Variants in DIP2A observed in about 807,000 individuals in gnomAD.
DIP2A encodes DIP2 acetate--CoA ligase A, also known as disco-interacting protein 2 homolog A.
In DIP2A, 85 loss-of-function variants were observed where a neutral mutation model predicts 177.4. The observed-to-expected ratio is 0.48, with a 90% CI of 0.40 to 0.57. The LOEUF (loss-of-function observed/expected upper bound fraction) is 0.57, where lower values mean the gene tolerates loss of function less well. DIP2A is among the 20% of genes least tolerant of loss of function. DIP2A has a pLI of 0.00. For synonymous variants in DIP2A, 886 were observed against 881.8 expected (o/e 1.00, Z -0.08); for missense variants, 1,791 against 2,100.2 (o/e 0.85, Z 2.88).
At chr21:46,574,691 G>A (rs1010910764), downstream of DIP2A, among the ~76,000 whole-genome samples, 2 of 151,922 alleles carry the variant, frequency 1.3e-5, no homozygotes, top group African/African-American at 4.8e-5. Context: ...GCCAACAAAT[G>A]GAAAAACCTA....
rs112065199 is a variant in DIP2A, at chr21:46,563,718, G to A, written c.4090-140G>A. The A allele has an allele frequency of 1.2e-4, 166 of 1,359,784 alleles. No individual in the cohort carries two copies. The African/African-American group carries it at 1.7e-3, about 14-fold the overall frequency. The allele number at this position is 1,359,784 out of a possible 1,614,324, so 84.2% of individuals were successfully genotyped here. A position where few individuals can be genotyped will look rare whatever the true frequency, so the allele number is the denominator to read the frequency against. ...CAAAATTCAAAGTCAAATTTGGAGC[G>A]GCCTCTAAACTTCCTGACCTGACAT... On this transcript the variant is annotated intron_variant, in intron 34 of 37. Coordinates refer to ENST00000417564, the MANE Select transcript of DIP2A (RefSeq NM_015151.4). This position sits in a 1 kb window ranked among gnomAD's most constrained non-coding sequence, Gnocchi z 4.3.
intron 8 of DIP2A, among the ~76,000 whole-genome samples, chr21:46,514,432 T>G (rs947791409): frequency 1.5e-5 from 2 of 129,792 alleles, no homozygotes; most frequent in African/African-American, 5.4e-5. Context: ...CAAGACTCCA[T>G]CTCAAAAAAA....
intron 17 of DIP2A, among the ~76,000 whole-genome samples, chr21:46,540,426 G>A (rs777584586): frequency 1.1e-4 from 16 of 152,088 alleles, no homozygotes; most frequent in African/African-American, 1.9e-4. Context: ...CTCCTGTGGC[G>A]GTTTCCCTCA....
rs116527434 is a variant in DIP2A at position 46,518,816 on chromosome 21, C to T, written c.1102+7202C>T. On this transcript the variant is annotated intron_variant, in intron 8 of 37. Transcript: ENST00000417564. ...AGGTTACAGTGAGCCAAGATTGCACCGCTGCACTGCAGCCTAAGTGACAGA... is the reference window on the plus strand; with the variant it reads ...AGGTTACAGTGAGCCAAGATTGCACTGCTGCACTGCAGCCTAAGTGACAGA... Among the ~76,000 whole-genome samples, 352 of 152,320 alleles carry T rather than the reference C, an allele frequency of 2.3e-3. 2 individuals carry two copies. Among genetic ancestry groups the T allele is most frequent in the African/African-American group, 8.2e-3 (339 of 41,554 alleles).
chr21:46,571,973 G>A (rs983001739), downstream of DIP2A, among the ~76,000 whole-genome samples: 1 of 152,106 alleles, frequency 6.6e-6, no homozygotes, highest in Non-Finnish European at 1.5e-5. Context: ...TCCTTGTCTT[G>A]TGCCGGTTTT....
rs138141400 is a variant in DIP2A, at chr21:46,464,341, C to T, written c.91+5119C>T. ...CTGGGAGGCAGAGGTTGCAGTGAGCCGAGATTGCACCATTGCACTCCAGCC... is the reference window on the plus strand; with the variant it reads ...CTGGGAGGCAGAGGTTGCAGTGAGCTGAGATTGCACCATTGCACTCCAGCC... On this transcript the variant is annotated intron_variant, in intron 1 of 37. Transcript: ENST00000417564. Among the ~76,000 whole-genome samples the T allele has an allele frequency of 1.7e-3, 261 of 152,030 alleles. 2 individuals carry two copies. The highest frequency in any genetic ancestry group is 5.9e-3 in the African/African-American group (246 of 41,500).
At chr21:46,527,171 G>A (rs1386619984) in intron 8 of DIP2A, among the ~76,000 whole-genome samples, 3 of 151,940 alleles carry the variant, frequency 2.0e-5, no homozygotes, top group Non-Finnish European at 4.4e-5. Context: ...GTTTTCTGTT[G>A]AACCTCTTTG....
In DIP2A at chr21:46,498,055, T is replaced by C. The variant is rs34422088; in HGVS notation, c.404-527T>C. On this transcript the variant is annotated intron_variant, in intron 4 of 37. Coordinates refer to ENST00000417564, the MANE Select transcript of DIP2A (RefSeq NM_015151.4). The surrounding 1 kb of genome is among the most constrained non-coding windows in gnomAD (Gnocchi z 4.3). ...GAATTGTTTTTAGGGCTAGTTCACA[T>C]GACTCCCCTGAAAGGATGCATGTAG... is the stretch of plus-strand genomic sequence containing the variant. Among the ~76,000 whole-genome samples the C allele has an allele frequency of 0.043, 6,495 of 152,332 alleles. 202 individuals are homozygous for C. The highest frequency in any genetic ancestry group is 0.072 in the Non-Finnish European group (4,866 of 68,032).
At position 46,459,225 on chromosome 21, in the gene DIP2A, G is replaced by A; in HGVS notation, c.91+3G>A. The A allele has an allele frequency of 6.6e-7, 1 of 1,522,766 alleles. No individual in the cohort carries two copies. Among genetic ancestry groups the A allele is most frequent in the East Asian group, 2.7e-5 (1 of 36,756 alleles). 94.3% of individuals were successfully genotyped at this position (1,522,766 alleles called of 1,614,324 possible). A position where few individuals can be genotyped will look rare whatever the true frequency, so the allele number is the denominator to read the frequency against. ...GCTGGAGCTGGAGCTGTCGGAAGGT[G>A]AGCCGGACCCCGCCCTCAACCCCCG... is the stretch of plus-strand genomic sequence containing the variant. On this transcript the variant is annotated splice_donor_region_variant and intron_variant, in intron 1 of 37. Transcript: ENST00000417564.
intron 8 of DIP2A, among the ~76,000 whole-genome samples, chr21:46,517,982 T>A (rs1052704066): frequency 2.6e-5 from 4 of 152,266 alleles, no homozygotes; most frequent in Non-Finnish European, 5.9e-5. Flanking sequence ...TTATTCAGTT[T>A]TTAAACTCAT....
Position 46,563,945 on chromosome 21 carries a change from C to T in DIP2A, c.4164+13C>T. The stretch of plus-strand genomic sequence containing the variant: ...ACACCTGGGAGAGGTGAGCAGGGGC[C>T]CATGGGAGGGGCTTGAGCTCTCCAG... On this transcript the variant is annotated intron_variant, in intron 35 of 37. Coordinates refer to ENST00000417564, the MANE Select transcript of DIP2A (RefSeq NM_015151.4). The surrounding 1 kb of genome is among the most constrained non-coding windows in gnomAD (Gnocchi z 4.3). The T allele has an allele frequency of 6.2e-7, 1 of 1,612,208 alleles. No homozygotes were observed. Among genetic ancestry groups the T allele is most frequent in the African/African-American group, 1.3e-5 (1 of 74,826 alleles).
chr21:46,466,227 C>T (rs886791916), intron 1 of DIP2A, among the ~76,000 whole-genome samples: 1 of 151,960 alleles, frequency 6.6e-6, no homozygotes, highest in Non-Finnish European at 1.5e-5. Context: ...ACCATTGCAC[C>T]ACGTTACAAA....
At chr21:46,579,937 T>C in the DIP2A span, among the ~76,000 whole-genome samples, 1 of 152,194 alleles carries the variant, frequency 6.6e-6, no homozygotes, top group Admixed American at 6.5e-5. Flanking sequence ...TGCTTTTGAG[T>C]GGAAAGTTCT....
At chr21:46,477,917 T>C (rs2148386224) in intron 1 of DIP2A, among the ~76,000 whole-genome samples, 1 of 152,144 alleles carries the variant, frequency 6.6e-6, no homozygotes, top group East Asian at 2.0e-4. Context: ...TCACCTGGAA[T>C]TTAATTTCAT....
In DIP2A at chr21:46,537,639, G is replaced by A; in HGVS notation, c.1801+100G>A. ...AAAAATAAAGCTGACATGTGGAACT[G>A]CAGATGTAGGCTGAAGAGCTGTGGG... On this transcript the variant is annotated intron_variant, in intron 15 of 37. Coordinates refer to ENST00000417564, the MANE Select transcript of DIP2A (RefSeq NM_015151.4). This position sits in a 1 kb window ranked among gnomAD's most constrained non-coding sequence, Gnocchi z 4.1. The A allele has an allele frequency of 8.8e-7, 1 of 1,138,826 alleles. No homozygotes were observed. Among genetic ancestry groups the A allele is most frequent in the Non-Finnish European group, 1.3e-6 (1 of 774,100 alleles). The allele number at this position is 1,138,826 out of a possible 1,614,324, so 70.5% of individuals were successfully genotyped here.
At chr21:46,496,295 A>G (rs1339243226) in intron 3 of DIP2A, among the ~76,000 whole-genome samples, 2 of 152,120 alleles carry the variant, frequency 1.3e-5, no homozygotes, top group South Asian at 2.1e-4. Flanking sequence ...TTCATTTGCC[A>G]TATCCCACAG....
intron 1 of DIP2A, among the ~76,000 whole-genome samples, chr21:46,478,201 A>G (rs1476495771): frequency 6.6e-6 from 1 of 151,914 alleles, no homozygotes; most frequent in Non-Finnish European, 1.5e-5. Flanking sequence ...TTTCTATGCA[A>G]GAAACTTTCA....
intron 20 of DIP2A, chr21:46,546,206 T>A (rs1475280215): frequency 2.3e-6 from 3 of 1,307,152 alleles, no homozygotes; most frequent in Non-Finnish European, 2.9e-6. Flanking sequence ...TGAGGATGTT[T>A]TGCTTTTTAT....
In DIP2A at chr21:46,480,837, T is replaced by G. The variant is rs570540507; in HGVS notation, c.92-3920T>G. ...TACTGGATTGGAACCTGCCGGGCCCTTGGGGCTCCCAGCCATTGTGTCATG... is the reference window on the plus strand; with the variant it reads ...TACTGGATTGGAACCTGCCGGGCCCGTGGGGCTCCCAGCCATTGTGTCATG... On this transcript the variant is annotated intron_variant, in intron 1 of 37. Transcript: ENST00000417564. Among the ~76,000 whole-genome samples the G allele has an allele frequency of 3.3e-5, 5 of 152,322 alleles. No homozygotes were observed. In the South Asian group the frequency reaches 8.3e-4, roughly 25 times the overall value.
Sources: gnomAD v4.1 joint callset for allele counts (sites outside exome capture counted in the v4.1 genomes callset) on GRCh38, gnomAD v4.1.1 for gene constraint, Gnocchi (gnomAD v3.1) non-coding constraint, MANE v1.5 for transcripts, NCBI Gene and HGNC (gene_info 2026-07-23, HGNC 2026-07-21) for gene names.